Variants in CAMKMT observed in about 807,000 individuals in gnomAD.
CAMKMT encodes the protein calmodulin-lysine N-methyltransferase, also known as CaM KMT.
In CAMKMT, 53 loss-of-function variants were observed where a neutral mutation model predicts 48.0. The ratio of observed to expected loss-of-function variants is 1.10; its 90% CI spans 0.89 to 1.39. CAMKMT has a LOEUF of 1.39. Among genes scored for constraint, CAMKMT ranks in the 40% most tolerant of loss-of-function variants. The pLI, the probability that CAMKMT is intolerant of heterozygous loss-of-function variation, is 0.00. For missense variants in CAMKMT, 428 were observed against 402.7 expected, an observed-to-expected ratio of 1.06 and a Z score of -0.54; for synonymous variants, 165 against 152.3, an observed-to-expected ratio of 1.08 and a Z score of -0.61.
In CAMKMT at chr2:44,706,443, G is replaced by A. The variant is rs924763893; in HGVS notation, c.492+102G>A. ...GGTCAGAGAACCGTCAACAGCATCA[G>A]CTGCGGTCAAGCTGCCGGGTCTTGA... On this transcript the variant is annotated intron_variant, in intron 5 of 10. Transcript: ENST00000378494. 8.7e-6 allele frequency: 10 copies of A among 1,146,250 alleles called. No individual in the cohort carries two copies. In the Admixed American group the frequency reaches 1.7e-4, roughly 20 times the overall value. The allele number at this position is 1,146,250 out of a possible 1,614,324, so 71.0% of individuals were successfully genotyped here.
At chr2:44,469,350 A>ATTT (rs10648196) in intron 3 of CAMKMT, among the ~76,000 whole-genome samples, 117 of 150,260 alleles carry the variant, frequency 7.8e-4, no homozygotes, top group African/African-American at 1.8e-3. Flanking sequence ...ATTAAACCTG[A>ATTT]TTTTTTTTTT....
At chr2:44,545,622 C>T (rs952877832) in intron 3 of CAMKMT, among the ~76,000 whole-genome samples, 1 of 147,702 alleles carries the variant, frequency 6.8e-6, no homozygotes, top group Non-Finnish European at 1.5e-5. Flanking sequence ...TCTATGGTCA[C>T]AAGATAAGTG....
chr2:44,503,247 A>G (rs1034640848), intron 3 of CAMKMT, among the ~76,000 whole-genome samples: 5 of 152,252 alleles, frequency 3.3e-5, no homozygotes, highest in East Asian at 1.9e-4. Context: ...AAAGCAAACA[A>G]TGGAAGTACT....
chr2:44,597,370 C>T (rs1466226024), intron 3 of CAMKMT, among the ~76,000 whole-genome samples: 1 of 152,182 alleles, frequency 6.6e-6, no homozygotes, highest in East Asian at 1.9e-4. Context: ...AGAAATCTGT[C>T]CATAATTATT....
At chr2:44,592,864 A>G (rs992460109) in intron 3 of CAMKMT, among the ~76,000 whole-genome samples, 27 of 152,168 alleles carry the variant, frequency 1.8e-4, no homozygotes, top group Non-Finnish European at 2.9e-5. Context: ...TAAAGCTTCA[A>G]CTGGCATTTC....
intron 3 of CAMKMT, among the ~76,000 whole-genome samples, chr2:44,504,069 T>A (rs181008126): frequency 6.6e-6 from 1 of 151,994 alleles, no homozygotes; most frequent in African/African-American, 2.4e-5. Context: ...GATGCTGTTA[T>A]GAAGGCCCCA....
chr2:44,372,416 G>A (rs903110815), intron 1 of CAMKMT, among the ~76,000 whole-genome samples: 6 of 151,506 alleles, frequency 4.0e-5, no homozygotes, highest in Admixed American at 1.3e-4. Context: ...ACCCAGCTGG[G>A]TGACAGGCTG....
chr2:44,432,370 G>T (rs1266445425), intron 3 of CAMKMT, among the ~76,000 whole-genome samples: 1 of 152,126 alleles, frequency 6.6e-6, no homozygotes, highest in African/African-American at 2.4e-5. Flanking sequence ...CCCCTGACCA[G>T]CCTTGGGAGC....
intron 3 of CAMKMT, among the ~76,000 whole-genome samples, chr2:44,420,030 G>T (rs1437490944): frequency 6.6e-6 from 1 of 152,142 alleles, no homozygotes; most frequent in African/African-American, 2.4e-5. Flanking sequence ...CAAGATTGCT[G>T]ATCGCCCAAG....
intron 3 of CAMKMT, among the ~76,000 whole-genome samples, chr2:44,410,318 G>A (rs1683117097): frequency 3.8e-5 from 3 of 77,944 alleles, no homozygotes; most frequent in Admixed American, 3.6e-4. Flanking sequence ...GTGCAGTGGC[G>A]CGATCTTGGC....
At chr2:44,489,435 G>A (rs535531431) in intron 3 of CAMKMT, among the ~76,000 whole-genome samples, 7 of 151,944 alleles carry the variant, frequency 4.6e-5, no homozygotes, top group South Asian at 2.1e-4. Context: ...TAGTAAAGAC[G>A]GGGTTTCACC....
chr2:44,688,052 A>G (rs28431928), intron 3 of CAMKMT, among the ~76,000 whole-genome samples: 28,920 of 152,228 alleles, frequency 0.19, 3,583 homozygotes, highest in East Asian at 0.59. Flanking sequence ...TTACATCTAC[A>G]ATGGTACGTA....
chr2:44,377,432 C>T (rs1191477532), intron 2 of CAMKMT, among the ~76,000 whole-genome samples: 1 of 152,120 alleles, frequency 6.6e-6, no homozygotes, highest in Non-Finnish European at 1.5e-5. Context: ...TTCCTTTTCC[C>T]TATCTCATAA....
rs1385929769 is a variant in CAMKMT at position 44,425,660 on chromosome 2, C to T, written c.376+35355C>T. ...GCAAAAGATTTGTTAAATCAAAAGCCGTATGTATAAGGTAGAGAGTATTTC... is the reference window on the plus strand; with the variant it reads ...GCAAAAGATTTGTTAAATCAAAAGCTGTATGTATAAGGTAGAGAGTATTTC... On this transcript the variant is annotated intron_variant, in intron 3 of 10. Transcript: ENST00000378494. Among the ~76,000 whole-genome samples, 5 of 151,224 alleles carry T rather than the reference C, an allele frequency of 3.3e-5. 1 individual carries two copies. Among genetic ancestry groups the T allele is most frequent in the Admixed American group, 1.3e-4 (2 of 15,188 alleles).
At chr2:44,620,576 C>T (rs967071023) in intron 3 of CAMKMT, among the ~76,000 whole-genome samples, 14 of 152,198 alleles carry the variant, frequency 9.2e-5, no homozygotes, top group Non-Finnish European at 1.5e-4. Flanking sequence ...GGAACTATTT[C>T]AAATCCATAC....
intron 3 of CAMKMT, among the ~76,000 whole-genome samples, chr2:44,658,457 T>G (rs1178568778): frequency 6.6e-6 from 1 of 152,188 alleles, no homozygotes; most frequent in Admixed American, 6.5e-5. Context: ...TAGAGCTGAC[T>G]CTGCACAGTT....
intron 3 of CAMKMT, among the ~76,000 whole-genome samples, chr2:44,703,801 A>G (rs1411279299): frequency 6.6e-6 from 1 of 150,796 alleles, no homozygotes; most frequent in Non-Finnish European, 1.5e-5. Flanking sequence ...AAAAGACAGA[A>G]TTGTGCATGT....
chr2:44,638,164 A>G (rs1278055036), intron 3 of CAMKMT, among the ~76,000 whole-genome samples: 3 of 152,154 alleles, frequency 2.0e-5, no homozygotes, highest in Non-Finnish European at 4.4e-5. Context: ...AACTATATAT[A>G]CTTTCTTTTC....
At position 44,759,989 on chromosome 2, in the gene CAMKMT, C is replaced by G. The variant is rs144755109; in HGVS notation, c.762+5871C>G. Among the ~76,000 whole-genome samples, 521 of 152,296 alleles carry G rather than the reference C, an allele frequency of 3.4e-3. 1 individual carries two copies. The highest frequency in any genetic ancestry group is 0.017 in the Middle Eastern group (5 of 294). On this transcript the variant is annotated intron_variant, in intron 9 of 10. Transcript: ENST00000378494. ...TTGGACTCTGTCCTGATTCAACAAA[C>G]ATTTGTTGAGCAACTGCTATCTGCT... is the stretch of plus-strand genomic sequence containing the variant.
Sources: gnomAD v4.1 joint callset for allele counts (sites outside exome capture counted in the v4.1 genomes callset) on GRCh38, gnomAD v4.1.1 for gene constraint, MANE v1.5 for transcripts, NCBI Gene and HGNC (gene_info 2026-07-23, HGNC 2026-07-21) for gene names.